USP31: variants seen among roughly 807,000 people sequenced by gnomAD.
The protein encoded by USP31 is ubiquitin specific peptidase 31.
USP31 carries 44 observed loss-of-function variants against 119.4 expected under a neutral mutation model. The ratio of observed to expected loss-of-function variants is 0.37; its 90% CI spans 0.29 to 0.47. The LOEUF is 0.47. Ranked by LOEUF, USP31 falls within the 20% of genes least tolerant of loss-of-function variation. The pLI is 0.99. For synonymous variants in USP31, 749 were observed against 705.6 expected, an observed-to-expected ratio of 1.06 and a Z score of -0.97; for missense variants, 1,643 against 1,730.2, an observed-to-expected ratio of 0.95 and a Z score of 0.89.
chr16:23,124,043 G>A (rs1477162766), intron 1 of USP31, among the ~76,000 whole-genome samples: 1 of 151,994 alleles, frequency 6.6e-6, no homozygotes, highest in Admixed American at 6.6e-5. Flanking sequence ...GGAGGTACAG[G>A]ATCCCAGAAA....
chr16:23,094,286 G>A (rs1050359974), intron 6 of USP31, among the ~76,000 whole-genome samples: 2 of 152,218 alleles, frequency 1.3e-5, no homozygotes, highest in Admixed American at 1.3e-4. Flanking sequence ...TGGCAGCCTG[G>A]CTGGGGGAGG....
chr16:23,125,419 C>G (rs1414045670), intron 1 of USP31, among the ~76,000 whole-genome samples: 1 of 152,174 alleles, frequency 6.6e-6, no homozygotes, highest in Non-Finnish European at 1.5e-5. Context: ...GGGGCAGCTA[C>G]AACAGCTTAA....
chr16:23,116,052 T>C (rs1902475355), intron 1 of USP31, among the ~76,000 whole-genome samples: 1 of 152,134 alleles, frequency 6.6e-6, no homozygotes, highest in Admixed American at 6.5e-5. Context: ...GAAATGGATG[T>C]GGCAATACTG....
At chr16:23,121,033 A>G (rs6497649) in intron 1 of USP31, among the ~76,000 whole-genome samples, 42,616 of 152,104 alleles carry the variant, frequency 0.28, 6,317 homozygotes, top group Admixed American at 0.35. Context: ...TTTTATAAGG[A>G]GATCCAAAAT....
rs3812997 is a variant in USP31, at chr16:23,064,971, C to T, written c.*3075G>A. 1 of 152,018 alleles carries T rather than the reference C, an allele frequency of 6.6e-6. No homozygotes were observed. The highest frequency in any genetic ancestry group is 2.1e-4 in the South Asian group (1 of 4,808). The allele number at this position is 152,018 out of a possible 1,614,324, so 9.4% of individuals were successfully genotyped here. ...ACTTTCAGTTCAGCTGCTTTCAGGA[C>T]GAGAAAATACAAAACGGATGGGAAA... On this transcript the variant is annotated 3_prime_UTR_variant, in exon 16 of 16. Transcript: ENST00000219689.
intron 11 of USP31, among the ~76,000 whole-genome samples, chr16:23,084,332 C>T (rs1330558033): frequency 6.6e-6 from 1 of 152,228 alleles, no homozygotes; most frequent in Non-Finnish European, 1.5e-5. Flanking sequence ...CGAAGCCTTG[C>T]TGTCTACTTT....
At chr16:23,136,811 C>A (rs1285823521) in intron 1 of USP31, among the ~76,000 whole-genome samples, 1 of 152,184 alleles carries the variant, frequency 6.6e-6, no homozygotes, top group Non-Finnish European at 1.5e-5. Context: ...TAACAAAAAA[C>A]TAATTCAAAA....
chr16:23,074,829 T>C (rs752916426), intron 13 of USP31, among the ~76,000 whole-genome samples: 1 of 152,342 alleles, frequency 6.6e-6, no homozygotes, highest in Non-Finnish European at 1.5e-5. Flanking sequence ...TGCAAGGATA[T>C]ATCAAAGGGT....
rs1334869153 is a variant in USP31, at chr16:23,069,593, C to G, written c.2512G>C (p.Val838Leu). The G allele has an allele frequency of 6.2e-7, 1 of 1,609,050 alleles. No homozygotes were observed. Among genetic ancestry groups the G allele is most frequent in the Non-Finnish European group, 8.5e-7 (1 of 1,176,038 alleles). The change falls in exon 16 of 16, where the codon GTG becomes CTG. Residue 838 changes from valine to leucine, a missense_variant. Val to Leu is a conservative substitution (Grantham distance 32). Transcript: ENST00000219689. ...DDGGFSTRPF[V>L]RSVQRQSLSS... Reference sequence around the variant, plus strand: ...AAACTCTGACGCTGGACACTTCTCACAAATGGTCGAGTTGAAAAGCCTCCT... The same window carrying G: ...AAACTCTGACGCTGGACACTTCTCAGAAATGGTCGAGTTGAAAAGCCTCCT...
At position 23,073,873 on chromosome 16, in the gene USP31, A is replaced by G. The variant is rs1193753550; in HGVS notation, c.2184T>C (p.Cys728=). 1.2e-6 allele frequency: 2 copies of G among 1,613,966 alleles called. No individual in the cohort carries two copies. Among genetic ancestry groups the G allele is most frequent in the Non-Finnish European group, 1.7e-6 (2 of 1,180,046 alleles). Residue 728 remains cysteine, a synonymous_variant, in exon 14 of 16, where the codon TGT becomes TGC. Coordinates refer to ENST00000219689, the MANE Select transcript of USP31 (RefSeq NM_020718.4). The part of the protein sequence containing the change: ...TMQGGHYTAY[C]KNSVDGLWYC... The stretch of plus-strand genomic sequence containing the variant: ...ACCAGAGGCCGTCCACAGAGTTCTT[A>G]CAGTACGCTGCCAAAGAGAGCCCGC...
intron 15 of USP31, among the ~76,000 whole-genome samples, chr16:23,070,624 G>A (rs1900305804): frequency 6.6e-6 from 1 of 151,854 alleles, no homozygotes; most frequent in Non-Finnish European, 1.5e-5. Flanking sequence ...TGAGGCAGGA[G>A]AATGGCGTGA....
chr16:23,098,679 C>T (rs1901721626), intron 6 of USP31, among the ~76,000 whole-genome samples: 1 of 152,158 alleles, frequency 6.6e-6, no homozygotes, highest in Non-Finnish European at 1.5e-5. Context: ...ACATCTACAA[C>T]CATCTGATCT....
At chr16:23,127,018 A>C (rs1902881793) in intron 1 of USP31, among the ~76,000 whole-genome samples, 2 of 152,220 alleles carry the variant, frequency 1.3e-5, no homozygotes, top group South Asian at 4.1e-4. Flanking sequence ...TAGATTTCTG[A>C]ATAGATCTTG....
At chr16:23,118,914 A>C (rs1302162261) in intron 1 of USP31, among the ~76,000 whole-genome samples, 1 of 151,828 alleles carries the variant, frequency 6.6e-6, no homozygotes, top group Non-Finnish European at 1.5e-5. Flanking sequence ...CGGAGGTTGC[A>C]GTCAACTGAG....
intron 1 of USP31, among the ~76,000 whole-genome samples, chr16:23,134,552 T>C (rs1903127965): frequency 6.6e-6 from 1 of 151,648 alleles, no homozygotes; most frequent in South Asian, 2.1e-4. Flanking sequence ...CACTAACCAC[T>C]CACTATACTA....
At position 23,066,501 on chromosome 16, in the gene USP31, G is replaced by A. The variant is rs1900077341; in HGVS notation, c.*1545C>T. The A allele has an allele frequency of 1.3e-5, 2 of 152,116 alleles. No individual in the cohort carries two copies. 9.4% of individuals were successfully genotyped at this position (152,116 alleles called of 1,614,324 possible). A position where few individuals can be genotyped will look rare whatever the true frequency, so the allele number is the denominator to read the frequency against. The stretch of plus-strand genomic sequence containing the variant: ...ACACACAGCAATACTGAAAAGGGAG[G>A]TTATATATGGATCTGTGCACCAAGG... On this transcript the variant is annotated 3_prime_UTR_variant, in exon 16 of 16. Transcript: ENST00000219689.
intron 1 of USP31, among the ~76,000 whole-genome samples, chr16:23,141,789 T>A (rs1403169537): frequency 1.3e-5 from 2 of 152,256 alleles, no homozygotes. Context: ...ACAATTTTTT[T>A]ACCATTATCA....
Position 23,067,479 on chromosome 16 carries a change from G to A in USP31, c.*567C>T, listed in dbSNP as rs1397493293. ...CTAGACTAGCTGAGTATATACCTGA[G>A]AAACATTAGTGTTAAAATATTGCCC... is the stretch of plus-strand genomic sequence containing the variant. On this transcript the variant is annotated 3_prime_UTR_variant, in exon 16 of 16. Transcript: ENST00000219689. 1 of 153,302 alleles carries A rather than the reference G, an allele frequency of 6.5e-6. No homozygotes were observed. The highest frequency in any genetic ancestry group is 1.5e-5 in the Non-Finnish European group (1 of 68,578). 9.5% of individuals were successfully genotyped at this position (153,302 alleles called of 1,614,324 possible).
chr16:23,072,088 G>A lies in USP31; in HGVS notation c.2445C>T (p.Leu815=). The change falls in exon 15 of 16, where the codon CTC becomes CTT. Residue 815 remains leucine (L), a synonymous_variant. Coordinates refer to ENST00000219689, the MANE Select transcript of USP31 (RefSeq NM_020718.4). ...CTCCAGTCATCTCCACGGACTCAGA[G>A]AGCGACGCCAGGGAGGTGCGTCTGG... The part of the protein sequence containing the change: ...ASSRRTSLAS[L]SESVEMTGER... 1 of 1,613,772 alleles carries A rather than the reference G, an allele frequency of 6.2e-7. No homozygotes were observed. Among genetic ancestry groups the A allele is most frequent in the Non-Finnish European group, 8.5e-7 (1 of 1,179,984 alleles).
Sources: gnomAD v4.1 joint callset for allele counts (sites outside exome capture counted in the v4.1 genomes callset) on GRCh38, gnomAD v4.1.1 for gene constraint, MANE v1.5 for transcripts, NCBI Gene and HGNC (gene_info 2026-07-23, HGNC 2026-07-21) for gene names.